The following TCERG1L variants were observed in gnomAD, a reference collection of about 807,000 sequenced individuals.
TCERG1L encodes the protein transcription elongation regulator 1-like protein.
TCERG1L carries 37 observed loss-of-function variants against 56.3 expected under a neutral mutation model. That is an observed-to-expected ratio of 0.66 (90% CI 0.51 to 0.87). The LOEUF (loss-of-function observed/expected upper bound fraction) is 0.87, where lower values mean the gene tolerates loss of function less well. Ranked by LOEUF, TCERG1L falls within the 40% of genes least tolerant of loss-of-function variation. The pLI, the probability that TCERG1L is intolerant of heterozygous loss-of-function variation, is 0.00. For missense variants in TCERG1L, 799 were observed against 774.2 expected (o/e 1.03, Z -0.38); for synonymous variants, 324 against 326.3 (o/e 0.99, Z 0.08).
chr10:131,231,500 C>T (rs1016119161), intron 4 of TCERG1L, among the ~76,000 whole-genome samples: 1 of 152,158 alleles, frequency 6.6e-6, no homozygotes, highest in African/African-American at 2.4e-5. Flanking sequence ...CGTGGCACTG[C>T]CTGCAGAGCT....
chr10:131,107,384 T>C (rs1845363018), intron 9 of TCERG1L, among the ~76,000 whole-genome samples: 1 of 152,228 alleles, frequency 6.6e-6, no homozygotes, highest in South Asian at 2.1e-4. Flanking sequence ...AAGGGATTTA[T>C]AATCTCTATA....
intron 3 of TCERG1L, among the ~76,000 whole-genome samples, chr10:131,269,265 C>A (rs1846314919): frequency 6.6e-6 from 1 of 152,224 alleles, no homozygotes; most frequent in South Asian, 2.1e-4. Context: ...CGGCTCACTG[C>A]AACCTCCGCC....
chr10:131,246,865 C>T (rs940525240), intron 4 of TCERG1L, among the ~76,000 whole-genome samples: 1 of 152,228 alleles, frequency 6.6e-6, no homozygotes, highest in African/African-American at 2.4e-5. Flanking sequence ...ACTCAGCGGA[C>T]AGGACTCTGA....
intron 7 of TCERG1L, among the ~76,000 whole-genome samples, chr10:131,140,147 T>C (rs1845719226): frequency 6.6e-6 from 1 of 152,230 alleles, no homozygotes; most frequent in South Asian, 2.1e-4. Context: ...ACTCATCACA[T>C]TTCTCTCATA....
At chr10:131,204,522 G>A (rs903573614) in intron 4 of TCERG1L, among the ~76,000 whole-genome samples, 5 of 152,174 alleles carry the variant, frequency 3.3e-5, no homozygotes, top group Admixed American at 1.3e-4. Flanking sequence ...CATGTACAGT[G>A]GAGAAACTGT....
Position 131,191,068 on chromosome 10 carries a change from C to T in TCERG1L, c.857-24183G>A, listed in dbSNP as rs774345603. 9.0e-5 allele frequency among the ~76,000 whole-genome samples: 13 copies of T among 143,926 alleles called. 3 individuals are homozygous for T. The highest frequency in any genetic ancestry group is 5.8e-4 in the East Asian group (3 of 5,188). The allele number at this position is 143,926 out of a possible 152,430, so 94.4% of individuals were successfully genotyped here. A position where few individuals can be genotyped will look rare whatever the true frequency, so the allele number is the denominator to read the frequency against. ...CACAAATCAGTAGCACTGCTAGACA[C>T]GAACAAAGACCATGCAAGAATAAAA... is the stretch of plus-strand genomic sequence containing the variant. On this transcript the variant is annotated intron_variant, in intron 4 of 11. Coordinates refer to ENST00000368642, the MANE Select transcript of TCERG1L (RefSeq NM_174937.4).
At chr10:131,241,710 G>A (rs1012281196) in intron 4 of TCERG1L, among the ~76,000 whole-genome samples, 3 of 151,882 alleles carry the variant, frequency 2.0e-5, no homozygotes, top group African/African-American at 7.3e-5. Context: ...TATAGAACAC[G>A]TATTAACAGC....
chr10:131,292,422 C>G (rs185163274), intron 3 of TCERG1L, among the ~76,000 whole-genome samples: 26 of 152,194 alleles, frequency 1.7e-4, no homozygotes, highest in African/African-American at 6.3e-4. Flanking sequence ...ACAGATGTTA[C>G]TGTTACTGTT....
chr10:131,264,587 A>G (rs968515416), intron 3 of TCERG1L, among the ~76,000 whole-genome samples: 2 of 152,308 alleles, frequency 1.3e-5, no homozygotes, highest in African/African-American at 4.8e-5. Flanking sequence ...TTAGCCAGGC[A>G]TGGCAGGCTT....
At chr10:131,160,162 A>C (rs1376319272) in intron 6 of TCERG1L, among the ~76,000 whole-genome samples, 1 of 152,110 alleles carries the variant, frequency 6.6e-6, no homozygotes, top group Non-Finnish European at 1.5e-5. Context: ...CGTCCACTCA[A>C]AGGTATTAGT....
intron 5 of TCERG1L, among the ~76,000 whole-genome samples, chr10:131,166,568 G>T (rs750944474): frequency 2.6e-5 from 4 of 152,210 alleles, no homozygotes; most frequent in Non-Finnish European, 4.4e-5. Context: ...CTTCCCAACA[G>T]AGTCCCCCAG....
At chr10:131,206,593 A>G (rs958277613) in intron 4 of TCERG1L, among the ~76,000 whole-genome samples, 2 of 152,014 alleles carry the variant, frequency 1.3e-5, no homozygotes, top group African/African-American at 4.8e-5. Context: ...GGCTGAGCTC[A>G]GTGGGCAGCA....
chr10:131,294,184 T>C (rs1395792767), intron 3 of TCERG1L, among the ~76,000 whole-genome samples: 1 of 152,184 alleles, frequency 6.6e-6, no homozygotes, highest in Non-Finnish European at 1.5e-5. Flanking sequence ...GGAGCCCCTT[T>C]AAATGATCAG....
chr10:131,108,229 C>A (rs1051251303), intron 9 of TCERG1L, among the ~76,000 whole-genome samples: 1 of 152,310 alleles, frequency 6.6e-6, no homozygotes, highest in East Asian at 1.9e-4. Flanking sequence ...TGTTTGGGCC[C>A]CACCCCAGAA....
At chr10:131,261,087 C>T (rs984297077) in intron 3 of TCERG1L, among the ~76,000 whole-genome samples, 2 of 152,206 alleles carry the variant, frequency 1.3e-5, no homozygotes, top group Non-Finnish European at 1.5e-5. Flanking sequence ...GAGACACCCA[C>T]ACCCAGCTCA....
At chr10:131,265,904 T>C (rs1846280246) in intron 3 of TCERG1L, among the ~76,000 whole-genome samples, 1 of 152,260 alleles carries the variant, frequency 6.6e-6, no homozygotes, top group Non-Finnish European at 1.5e-5. Flanking sequence ...CAGCAACGCT[T>C]GCTACATTGA....
At chr10:131,154,924 C>T (rs1370490651) in intron 6 of TCERG1L, among the ~76,000 whole-genome samples, 1 of 152,258 alleles carries the variant, frequency 6.6e-6, no homozygotes, top group Non-Finnish European at 1.5e-5. Context: ...GGCTGTCTTG[C>T]TGTCCTTTCT....
At chr10:131,300,283 C>A (rs1383578048) in intron 3 of TCERG1L, among the ~76,000 whole-genome samples, 1 of 152,086 alleles carries the variant, frequency 6.6e-6, no homozygotes. Context: ...TTCATAATGT[C>A]CATTTTTATT....
At position 131,266,143 on chromosome 10, in the gene TCERG1L, C is replaced by G. The variant is rs145836103; in HGVS notation, c.671-5699G>C. Among the ~76,000 whole-genome samples the G allele has an allele frequency of 5.5e-4, 84 of 152,358 alleles. 1 individual carries two copies. The East Asian group carries it at 0.011, about 20-fold the overall frequency. On this transcript the variant is annotated intron_variant, in intron 3 of 11. Coordinates refer to ENST00000368642, the MANE Select transcript of TCERG1L (RefSeq NM_174937.4). ...CAAGAAACCACTTTCTATGTTCACT[C>G]GTAAGAAGTAACTCCTTATGCGTTA...
Sources: gnomAD v4.1 joint callset for allele counts (sites outside exome capture counted in the v4.1 genomes callset) on GRCh38, gnomAD v4.1.1 for gene constraint, MANE v1.5 for transcripts, NCBI Gene and HGNC (gene_info 2026-07-23, HGNC 2026-07-21) for gene names.